IL2RB: variants seen among roughly 807,000 people sequenced by gnomAD.
The protein encoded by IL2RB is interleukin-2 receptor subunit beta.
Under a neutral mutation model 44.2 loss-of-function variants are expected in IL2RB, and 17 were observed. The observed-to-expected ratio is 0.38, with a 90% CI of 0.26 to 0.58. The LOEUF is 0.58. IL2RB is among the 20% of genes least tolerant of loss of function. IL2RB has a pLI of 0.63. For missense variants in IL2RB, 624 were observed against 685.5 expected (o/e 0.91, Z 1.00); for synonymous variants, 286 against 297.9 (o/e 0.96, Z 0.41).
intron 1 of IL2RB, among the ~76,000 whole-genome samples, chr22:37,158,241 G>A (rs1023053029): frequency 6.6e-5 from 10 of 152,128 alleles, no homozygotes; most frequent in South Asian, 2.1e-4. Context: ...GGAATGCCAC[G>A]TAGCTATGCC....
chr22:37,127,027 A>AC lies in IL2RB; in HGVS notation c.*1068dup, dbSNP rs1921151110. On this transcript the variant is annotated 3_prime_UTR_variant, in exon 10 of 10. Coordinates refer to ENST00000216223, the MANE Select transcript of IL2RB (RefSeq NM_000878.5). The stretch of plus-strand genomic sequence containing the variant: ...TGCCAGTCCCTGAGCTGCAGAGGAG[A>AC]CCCCTCCAGTGGAGGGGGCAGTGGG... 1 of 151,822 alleles carries AC rather than the reference A, an allele frequency of 6.6e-6. No homozygotes were observed. Among genetic ancestry groups the AC allele is most frequent in the African/African-American group, 2.4e-5 (1 of 41,292 alleles). 9.4% of individuals were successfully genotyped at this position (151,822 alleles called of 1,614,324 possible).
rs1922072844 is a variant in IL2RB, at chr22:37,143,605, G to A, written c.119C>T (p.Ser40Leu). Residue 40 changes from serine to leucine, a missense_variant, in exon 3 of 10, where the codon TCG becomes TTG. This residue lies in a region of IL2RB where 78 missense variants were observed against 70.0 expected (regional missense o/e 1.11). Transcript: ENST00000216223. The stretch of plus-strand genomic sequence containing the variant: ...CCAGACACAGGAGATGTTGGCTCTC[G>A]AGTTGTAGAAGCATGTGAACTGGGA... Reference protein sequence around the residue: ...GTSQFTCFYNSRANISCVWSQ... With the variant: ...GTSQFTCFYNLRANISCVWSQ... 2 of 1,614,002 alleles carry A rather than the reference G, an allele frequency of 1.2e-6. No homozygotes were observed. Among genetic ancestry groups the A allele is most frequent in the Non-Finnish European group, 1.7e-6 (2 of 1,179,938 alleles).
chr22:37,166,482 G>C (rs965538801), intron 1 of IL2RB, among the ~76,000 whole-genome samples: 1 of 152,176 alleles, frequency 6.6e-6, no homozygotes, highest in Non-Finnish European at 1.5e-5. Context: ...CCGTTCCCGC[G>C]GTGGAGGGAG....
In IL2RB at chr22:37,128,023, G is replaced by A. The variant is rs1240497718; in HGVS notation, c.*73C>T. On this transcript the variant is annotated 3_prime_UTR_variant, in exon 10 of 10. Coordinates refer to ENST00000216223, the MANE Select transcript of IL2RB (RefSeq NM_000878.5). The surrounding 1 kb of genome is among the most constrained non-coding windows in gnomAD (Gnocchi z 4.5). ...CTGAGTGTCCTCAGCAGTGGACTGAGGACCCTCAACAGGGTCCTTCTGAGG... is the reference window on the plus strand; with the variant it reads ...CTGAGTGTCCTCAGCAGTGGACTGAAGACCCTCAACAGGGTCCTTCTGAGG... 4 of 1,298,054 alleles carry A rather than the reference G, an allele frequency of 3.1e-6. No homozygotes were observed. The highest frequency in any genetic ancestry group is 3.0e-6 in the Non-Finnish European group (3 of 983,784). 80.4% of individuals were successfully genotyped at this position (1,298,054 alleles called of 1,614,324 possible).
intron 8 of IL2RB, among the ~76,000 whole-genome samples, chr22:37,132,846 G>T (rs948058261): frequency 6.6e-6 from 1 of 152,248 alleles, no homozygotes; most frequent in Non-Finnish European, 1.5e-5. Context: ...AGAAGAAGTG[G>T]AATGAACCAG....
intron 8 of IL2RB, among the ~76,000 whole-genome samples, chr22:37,134,678 G>C (rs1207582581): frequency 6.6e-6 from 1 of 152,120 alleles, no homozygotes. Flanking sequence ...ATCTGTAGGG[G>C]GTAGGGAGGG....
intron 1 of IL2RB, among the ~76,000 whole-genome samples, chr22:37,157,343 T>C (rs977964577): frequency 1.3e-5 from 2 of 152,032 alleles, no homozygotes; most frequent in Admixed American, 6.6e-5. Context: ...TTCCAAGCCA[T>C]CACCCTTACT....
intron 9 of IL2RB, among the ~76,000 whole-genome samples, chr22:37,131,778 C>T (rs145250377): frequency 0.011 from 1,597 of 151,924 alleles, 48 homozygotes; most frequent in African/African-American, 0.038. Context: ...ACTCTGTCGC[C>T]CAGGCTGGAG....
chr22:37,174,417 G>C (rs1923386851), intron 1 of IL2RB, among the ~76,000 whole-genome samples: 1 of 152,136 alleles, frequency 6.6e-6, no homozygotes, highest in African/African-American at 2.4e-5. Context: ...CCTTCAGCTG[G>C]GGAACCGTAT....
At chr22:37,140,506 G>A (rs576833320) in intron 4 of IL2RB, among the ~76,000 whole-genome samples, 3 of 152,138 alleles carry the variant, frequency 2.0e-5, no homozygotes, top group African/African-American at 4.8e-5. Context: ...AGAGCCTTAG[G>A]GACTTGCCTG....
chr22:37,143,456 T>G, intron 3 of IL2RB, 65 bp downstream of exon 3: 1 of 1,088,822 alleles, frequency 9.2e-7, no homozygotes, highest in East Asian at 2.4e-5. Context: ...TGGAGTCCAG[T>G]GCATAGGATC....
chr22:37,149,511 C>G (rs974260019), intron 1 of IL2RB, among the ~76,000 whole-genome samples: 3 of 152,208 alleles, frequency 2.0e-5, no homozygotes, highest in African/African-American at 7.2e-5. Context: ...ATCCCTTCTC[C>G]ACCTCTCCGG....
At chr22:37,137,928 T>C (rs1307695370) in intron 5 of IL2RB, among the ~76,000 whole-genome samples, 193 bp from the exon 6 acceptor site, 1 of 151,430 alleles carries the variant, frequency 6.6e-6, no homozygotes, top group African/African-American at 2.4e-5. Context: ...CCCTGACCAC[T>C]CACCACTCTG....
chr22:37,164,663 C>T (rs1158279262), intron 1 of IL2RB, among the ~76,000 whole-genome samples: 1 of 152,064 alleles, frequency 6.6e-6, no homozygotes, highest in East Asian at 1.9e-4. Flanking sequence ...TTCTCAGGCC[C>T]AGAATGCAGA....
rs551854876 is a variant in IL2RB at position 37,148,233 on chromosome 22, G to C, written c.-34+1592C>G. ...AGGGCAGAGTCCACGGGAGGATGGT[G>C]TGGGGGTGCCAGAGGGGCACAGAGC... On this transcript the variant is annotated intron_variant, in intron 1 of 9. Coordinates refer to ENST00000216223, the MANE Select transcript of IL2RB (RefSeq NM_000878.5). 2.0e-5 allele frequency among the ~76,000 whole-genome samples: 3 copies of C among 152,346 alleles called. No individual in the cohort carries two copies. The South Asian group carries it at 6.2e-4, about 32-fold the overall frequency.
chr22:37,151,115 A>G (rs1025408934), upstream of IL2RB, among the ~76,000 whole-genome samples: 1 of 152,164 alleles, frequency 6.6e-6, no homozygotes, highest in African/African-American at 2.4e-5. Context: ...TGGATCATAT[A>G]GTAGTTCTAT....
At chr22:37,134,900 G>T (rs1456671263) in intron 8 of IL2RB, among the ~76,000 whole-genome samples, 1 of 152,222 alleles carries the variant, frequency 6.6e-6, no homozygotes, top group Non-Finnish European at 1.5e-5. Flanking sequence ...CGTACTCAGT[G>T]AATATGGGAA....
chr22:37,127,981 C>T lies in IL2RB; in HGVS notation c.*115G>A. The T allele has an allele frequency of 6.9e-6, 6 of 867,012 alleles. No individual in the cohort carries two copies. The highest frequency in any genetic ancestry group is 1.8e-5 in the African/African-American group (1 of 56,568). The allele number at this position is 867,012 out of a possible 1,614,324, so 53.7% of individuals were successfully genotyped here. A position where few individuals can be genotyped will look rare whatever the true frequency, so the allele number is the denominator to read the frequency against. On this transcript the variant is annotated 3_prime_UTR_variant, in exon 10 of 10. Transcript: ENST00000216223. Reference sequence around the variant, plus strand: ...GTGGGGGCCATCCGGGTGGAGAAGTCCAGCTGCAACTGGACACTGAGTGTC... The same window carrying T: ...GTGGGGGCCATCCGGGTGGAGAAGTTCAGCTGCAACTGGACACTGAGTGTC...
At chr22:37,159,110 T>A (rs1922773535) in intron 1 of IL2RB, among the ~76,000 whole-genome samples, 1 of 152,160 alleles carries the variant, frequency 6.6e-6, no homozygotes, top group Non-Finnish European at 1.5e-5. Flanking sequence ...CTTGGGCAGG[T>A]TTCACCAAAA....
Sources: gnomAD v4.1 joint callset for allele counts (sites outside exome capture counted in the v4.1 genomes callset) on GRCh38, gnomAD v4.1.1 for gene constraint, gnomAD v4.1.1 regional missense constraint, Gnocchi (gnomAD v3.1) non-coding constraint, MANE v1.5 for transcripts, NCBI Gene and HGNC (gene_info 2026-07-23, HGNC 2026-07-21) for gene names.